The following MAP3K7CL variants were observed in gnomAD, a reference collection of about 807,000 sequenced individuals.
The protein encoded by MAP3K7CL is MAP3K7 C-terminal like, also known as MAP3K7 C-terminal-like protein.
A neutral mutation model predicts 18.6 loss-of-function variants in MAP3K7CL; 16 were observed. That is an observed-to-expected ratio of 0.86 (90% CI 0.58 to 1.31). The LOEUF is 1.31. Among genes scored for constraint, MAP3K7CL ranks in the 50% most tolerant of loss-of-function variants. The pLI is 0.00. For missense variants in MAP3K7CL, 163 were observed against 174.4 expected, an observed-to-expected ratio of 0.93 and a Z score of 0.37; for synonymous variants, 65 against 66.8, an observed-to-expected ratio of 0.97 and a Z score of 0.13.
At chr21:29,123,059 T>A (rs1188142572) in intron 4 of MAP3K7CL, among the ~76,000 whole-genome samples, 5 of 102,196 alleles carry the variant, frequency 4.9e-5, no homozygotes, top group Non-Finnish European at 7.8e-5. Context: ...AATGATCTTT[T>A]TTTTTTTTTT....
upstream of MAP3K7CL, among the ~76,000 whole-genome samples, chr21:29,128,447 C>T (rs1246284561): frequency 2.0e-5 from 3 of 152,154 alleles, no homozygotes; most frequent in East Asian, 1.9e-4. Context: ...GGGCTACAGG[C>T]GCCCACCACC....
intron 4 of MAP3K7CL, among the ~76,000 whole-genome samples, chr21:29,162,270 G>C (rs1205739879): frequency 6.6e-6 from 1 of 151,098 alleles, no homozygotes; most frequent in Non-Finnish European, 1.5e-5. Flanking sequence ...CAGACTGAAG[G>C]TACTGGAGGA....
intron 4 of MAP3K7CL, chr21:29,109,040 GT>G: frequency 6.5e-7 from 1 of 1,530,938 alleles, no homozygotes; most frequent in South Asian, 1.2e-5. Context: ...TTCCTACTAG[GT>G]TGACATTCGT....
intron 4 of MAP3K7CL, among the ~76,000 whole-genome samples, chr21:29,113,755 C>T (rs2086459006): frequency 6.6e-6 from 1 of 152,060 alleles, no homozygotes; most frequent in Non-Finnish European, 1.5e-5. Context: ...ATCTCCTGAC[C>T]TCAGGTGATG....
At chr21:29,114,109 C>G (rs2086465814) in intron 4 of MAP3K7CL, among the ~76,000 whole-genome samples, 1 of 151,876 alleles carries the variant, frequency 6.6e-6, no homozygotes, top group African/African-American at 2.4e-5. Flanking sequence ...TGCTCTGTCA[C>G]CCAGGCTGGA....
intron 1 of MAP3K7CL, among the ~76,000 whole-genome samples, chr21:29,131,695 A>C (rs2086783577): frequency 6.6e-6 from 1 of 152,206 alleles, no homozygotes; most frequent in Non-Finnish European, 1.5e-5. Flanking sequence ...TTATGATTCT[A>C]ACTGGATAAT....
intron 1 of MAP3K7CL, among the ~76,000 whole-genome samples, chr21:29,086,814 T>G (rs1040824509): frequency 6.6e-6 from 1 of 152,246 alleles, no homozygotes; most frequent in Non-Finnish European, 1.5e-5. Flanking sequence ...ACATATTGTA[T>G]GTTAGGGTTT....
intron 2 of MAP3K7CL, among the ~76,000 whole-genome samples, chr21:29,136,554 T>G (rs960337092): frequency 1.9e-4 from 29 of 151,956 alleles, no homozygotes; most frequent in African/African-American, 6.8e-4. Flanking sequence ...AGACAGAGTC[T>G]CTCTCTGTCA....
At chr21:29,128,800 T>G (rs117089509), upstream of MAP3K7CL, among the ~76,000 whole-genome samples, 3 of 152,184 alleles carry the variant, frequency 2.0e-5, no homozygotes. Context: ...TTGTATAGGA[T>G]CTTCTGGAAG....
intron 1 of MAP3K7CL, among the ~76,000 whole-genome samples, chr21:29,086,582 G>T (rs1283121235): frequency 6.6e-6 from 1 of 152,222 alleles, no homozygotes; most frequent in Non-Finnish European, 1.5e-5. Context: ...GTGATGAGCA[G>T]TGCTGGCCTA....
In MAP3K7CL at chr21:29,163,334, C is replaced by A. The variant is rs1328341274; in HGVS notation, c.248+3278C>A. ...CTAAATAATTGGCTAGATGTAGGGC[C>A]AAGGCCAAATTCTTTCATTATATAT... On this transcript the variant is annotated intron_variant, in intron 4 of 4. Transcript: ENST00000399928. 2.0e-5 allele frequency among the ~76,000 whole-genome samples: 3 copies of A among 151,980 alleles called. No homozygotes were observed. The East Asian group carries it at 5.8e-4, about 29-fold the overall frequency.
At chr21:29,136,751 C>T (rs544183220) in intron 2 of MAP3K7CL, among the ~76,000 whole-genome samples, 1 of 152,270 alleles carries the variant, frequency 6.6e-6, no homozygotes, top group Admixed American at 6.5e-5. Flanking sequence ...GAACTCCTGA[C>T]CTCAAGCAAT....
chr21:29,133,960 G>T (rs148363063), intron 2 of MAP3K7CL, among the ~76,000 whole-genome samples: 2 of 152,298 alleles, frequency 1.3e-5, no homozygotes, highest in East Asian at 3.9e-4. Flanking sequence ...CATACTTAGA[G>T]CCCTTCGTCA....
chr21:29,109,497 T>G, intron 4 of MAP3K7CL: 2 of 1,105,988 alleles, frequency 1.8e-6, no homozygotes, highest in African/African-American at 1.6e-5. Flanking sequence ...TAACAGTTGT[T>G]GGCAGAGATA....
intron 3 of MAP3K7CL, among the ~76,000 whole-genome samples, chr21:29,156,951 G>A (rs763214611): frequency 7.9e-5 from 12 of 152,158 alleles, no homozygotes; most frequent in Non-Finnish European, 1.5e-4. Flanking sequence ...AGATTATAAA[G>A]GGGTGAGAAA....
At chr21:29,079,492 G>A (rs1568922272) in intron 1 of MAP3K7CL, among the ~76,000 whole-genome samples, 2 of 152,160 alleles carry the variant, frequency 1.3e-5, no homozygotes, top group Admixed American at 6.5e-5. Flanking sequence ...AGGTCTCTAC[G>A]TGTTTCATAT....
Position 29,120,521 on chromosome 21 carries a change from A to G in MAP3K7CL, c.370+27940A>G, listed in dbSNP as rs909453902. On this transcript the variant is annotated intron_variant, in intron 4 of 6. Transcript: ENST00000286791. ...CATTAAATTACATCATGGGTATGAAAAGGGCCTAGCTGAGTGTCTGGGACA... is the reference window on the plus strand; with the variant it reads ...CATTAAATTACATCATGGGTATGAAGAGGGCCTAGCTGAGTGTCTGGGACA... 3.4e-4 allele frequency among the ~76,000 whole-genome samples: 52 copies of G among 152,282 alleles called. No homozygotes were observed. The Middle Eastern group carries it at 0.014, about 40-fold the overall frequency.
At chr21:29,127,034 CTGGGAA>C (rs902959301), upstream of MAP3K7CL, among the ~76,000 whole-genome samples, 4 of 152,124 alleles carry the variant, frequency 2.6e-5, no homozygotes, top group Non-Finnish European at 5.9e-5. Flanking sequence ...ATGGCAAAGC[CTGGGAA>C]TGGGTATTTT....
intron 4 of MAP3K7CL, among the ~76,000 whole-genome samples, chr21:29,167,693 AT>A (rs35549023): frequency 0.12 from 12,450 of 107,294 alleles, 585 homozygotes; most frequent in African/African-American, 0.19. Flanking sequence ...AGAAGGACCA[AT>A]TTTTTTTTTT....
Sources: allele counts gnomAD v4.1 joint callset (sites outside exome capture counted in the v4.1 genomes callset), GRCh38; gene constraint gnomAD v4.1.1; transcripts MANE v1.5; gene names NCBI Gene and HGNC (gene_info 2026-07-23, HGNC 2026-07-21).